Variants in CSGALNACT1 observed in about 807,000 individuals in gnomAD.
CSGALNACT1 encodes chondroitin sulfate N-acetylgalactosaminyltransferase 1, also known as beta4GalNAcT-1.
In CSGALNACT1, 52 loss-of-function variants were observed where a neutral mutation model predicts 51.0. The ratio of observed to expected loss-of-function variants is 1.02; its 90% confidence interval spans 0.82 to 1.29. The LOEUF is 1.29. CSGALNACT1 is among the 50% of genes most tolerant of loss of function. CSGALNACT1 has a pLI of 0.00. For missense variants in CSGALNACT1, 935 were observed against 679.2 expected, an observed-to-expected ratio of 1.38 and a Z score of -4.19; for synonymous variants, 341 against 254.4, an observed-to-expected ratio of 1.34 and a Z score of -3.24.
chr8:19,572,084 C>A (rs2043169177), intron 3 of CSGALNACT1, among the ~76,000 whole-genome samples: 1 of 152,132 alleles, frequency 6.6e-6, no homozygotes, highest in Non-Finnish European at 1.5e-5. Context: ...TTGAGAACAG[C>A]AAAGTCTGCC....
At chr8:19,404,616 A>G (rs1563228333) in exon 10 of CSGALNACT1, 1 of 437,324 alleles carries the variant, frequency 2.3e-6, no homozygotes, top group South Asian at 1.7e-5. Context: ...CAATATATAT[A>G]TATATATTTT....
chr8:19,716,911 G>C (rs1484573510), intron 1 of CSGALNACT1, among the ~76,000 whole-genome samples: 1 of 152,094 alleles, frequency 6.6e-6, no homozygotes, highest in South Asian at 2.1e-4. Flanking sequence ...TCTCCAAATA[G>C]AGTTATAATT....
At chr8:19,553,245 C>A (rs1456381411) in intron 3 of CSGALNACT1, among the ~76,000 whole-genome samples, 1 of 151,976 alleles carries the variant, frequency 6.6e-6, no homozygotes, top group African/African-American at 2.4e-5. Context: ...AAAGCACTAA[C>A]CCCAAAGATT....
intron 5 of CSGALNACT1, among the ~76,000 whole-genome samples, chr8:19,445,538 A>G (rs914445729): frequency 2.6e-5 from 4 of 152,242 alleles, no homozygotes; most frequent in Non-Finnish European, 5.9e-5. Flanking sequence ...GTTCCGTTGC[A>G]TTCATTCGTG....
chr8:19,658,131 G>A (rs563056063), intron 1 of CSGALNACT1, among the ~76,000 whole-genome samples: 34 of 151,156 alleles, frequency 2.2e-4, no homozygotes, highest in African/African-American at 7.5e-4. Context: ...TTGGAGATGG[G>A]GCCTTTGGAA....
intron 3 of CSGALNACT1, among the ~76,000 whole-genome samples, chr8:19,527,968 G>T (rs1412584183): frequency 1.3e-5 from 2 of 152,108 alleles, no homozygotes; most frequent in African/African-American, 4.8e-5. Flanking sequence ...GGAGAAAATC[G>T]AGTGGGAAGA....
At chr8:19,407,247 T>TC (rs1399065434) in intron 9 of CSGALNACT1, among the ~76,000 whole-genome samples, 1 of 152,088 alleles carries the variant, frequency 6.6e-6, no homozygotes, top group Non-Finnish European at 1.5e-5. Flanking sequence ...TCCTTGTAGT[T>TC]CATGTCATCT....
At chr8:19,469,197 C>G (rs111953146) in intron 4 of CSGALNACT1, among the ~76,000 whole-genome samples, 23,857 of 152,060 alleles carry the variant, frequency 0.16, 1,998 homozygotes, top group Middle Eastern at 0.22. Context: ...CGAGAGCAGT[C>G]TGGGAAACAC....
chr8:19,544,529 C>T (rs1366011448), intron 3 of CSGALNACT1, among the ~76,000 whole-genome samples: 1 of 151,950 alleles, frequency 6.6e-6, no homozygotes, highest in African/African-American at 2.4e-5. Context: ...TAAATGAAAC[C>T]AAAGATAACT....
At chr8:19,433,744 C>G (rs917565827) in intron 6 of CSGALNACT1, among the ~76,000 whole-genome samples, 2 of 152,174 alleles carry the variant, frequency 1.3e-5, no homozygotes, top group Non-Finnish European at 2.9e-5. Context: ...TTGAATGCAA[C>G]CCAACACAAC....
At chr8:19,617,075 T>C (rs909099713) in intron 1 of CSGALNACT1, among the ~76,000 whole-genome samples, 1 of 152,190 alleles carries the variant, frequency 6.6e-6, no homozygotes, top group African/African-American at 2.4e-5. Context: ...GACAGTCCCA[T>C]CTGGGGTTGA....
rs911150915 is a variant in CSGALNACT1, at chr8:19,545,702, T to C, written c.-296-39572A>G. Among the ~76,000 whole-genome samples the C allele has an allele frequency of 2.0e-5, 3 of 151,752 alleles. No individual in the cohort carries two copies. The South Asian group carries it at 6.2e-4, about 31-fold the overall frequency. ...GAAATGGTTAATGCGAAACTATAAC[T>C]TTTCCTCCCAAGTCTCCAGGCAACT... On this transcript the variant is annotated intron_variant, in intron 3 of 9. Transcript: ENST00000454498.
At chr8:19,479,724 A>C (rs1300989871) in intron 4 of CSGALNACT1, among the ~76,000 whole-genome samples, 3 of 151,772 alleles carry the variant, frequency 2.0e-5, no homozygotes, top group African/African-American at 7.3e-5. Context: ...TGTGTGATTT[A>C]ACAAGAGCCT....
chr8:19,478,832 A>C (rs1258570980), intron 4 of CSGALNACT1, among the ~76,000 whole-genome samples: 1 of 152,200 alleles, frequency 6.6e-6, no homozygotes, highest in African/African-American at 2.4e-5. Context: ...AAATGAAACA[A>C]AGTAAACAAC....
rs896632773 is a variant in CSGALNACT1 at position 19,560,567 on chromosome 8, G to T, written c.-297+30593C>A. Reference sequence around the variant, plus strand: ...TAGATACACAACACGATGGAAAAATGACCCACTTCACACACACAAGGGGAA... The same window carrying T: ...TAGATACACAACACGATGGAAAAATTACCCACTTCACACACACAAGGGGAA... On this transcript the variant is annotated intron_variant, in intron 3 of 9. Transcript: ENST00000454498. Among the ~76,000 whole-genome samples the T allele has an allele frequency of 3.3e-5, 5 of 152,154 alleles. No individual in the cohort carries two copies. The East Asian group carries it at 5.8e-4, about 18-fold the overall frequency.
intron 3 of CSGALNACT1, among the ~76,000 whole-genome samples, chr8:19,567,548 ACTT>A (rs1389387031): frequency 2.0e-5 from 3 of 152,136 alleles, no homozygotes; most frequent in Admixed American, 6.6e-5. Context: ...AAACGTTAAA[ACTT>A]CTTCTTTTGC....
upstream of CSGALNACT1, among the ~76,000 whole-genome samples, chr8:19,603,705 T>C (rs77715630): frequency 6.6e-6 from 1 of 152,352 alleles, no homozygotes; most frequent in African/African-American, 2.4e-5. Flanking sequence ...GTGTTTTAGC[T>C]TGCAGGCAGC....
chr8:19,755,480 A>AAAAAAAAAAC (rs2065308904), intron 1 of CSGALNACT1, among the ~76,000 whole-genome samples: 3 of 143,888 alleles, frequency 2.1e-5, no homozygotes, highest in Non-Finnish European at 3.0e-5. Context: ...AAAAAAAAAA[A>AAAAAAAAAAC]AGACAACATT....
At chr8:19,735,114 G>A (rs904407856) in intron 1 of CSGALNACT1, among the ~76,000 whole-genome samples, 90 of 152,226 alleles carry the variant, frequency 5.9e-4, no homozygotes, top group African/African-American at 2.1e-3. Flanking sequence ...CCCCCAAAAT[G>A]CAGCAGCCTT....
Sources: allele counts gnomAD v4.1 joint callset (sites outside exome capture counted in the v4.1 genomes callset), GRCh38; gene constraint gnomAD v4.1.1; transcripts MANE v1.5; gene names NCBI Gene and HGNC (gene_info 2026-07-23, HGNC 2026-07-21).